The following SCN8A variants were observed in gnomAD, a reference collection of about 807,000 sequenced individuals.
SCN8A encodes the protein sodium channel protein type 8 subunit alpha.
A neutral mutation model predicts 184.1 loss-of-function variants in SCN8A; 30 were observed. The observed-to-expected ratio is 0.16, with a 90% CI of 0.12 to 0.22. The LOEUF (loss-of-function observed/expected upper bound fraction) is 0.22. Ranked by LOEUF, SCN8A falls within the 10% of genes least tolerant of loss-of-function variation. SCN8A has a pLI of 1.00. For missense variants in SCN8A, 1,057 were observed against 2,498.9 expected (o/e 0.42, Z 12.30); for synonymous variants, 852 against 907.0 (o/e 0.94, Z 1.09).
chr12:51,757,220 C>T (rs1356029555), intron 14 of SCN8A, among the ~76,000 whole-genome samples: 1 of 152,166 alleles, frequency 6.6e-6, no homozygotes, highest in Non-Finnish European at 1.5e-5. Context: ...ATGCAGGATG[C>T]AGGACTTTCG....
chr12:51,676,681 G>C (rs1941228031), intron 2 of SCN8A, among the ~76,000 whole-genome samples: 1 of 152,190 alleles, frequency 6.6e-6, no homozygotes. Context: ...GTTAGTTCTA[G>C]AAATCAAAAC....
chr12:51,782,011 A>G (rs1337570327), intron 21 of SCN8A, among the ~76,000 whole-genome samples: 1 of 152,172 alleles, frequency 6.6e-6, no homozygotes, highest in East Asian at 1.9e-4. Context: ...AGGAAGATGA[A>G]AACTTAATTG....
intron 1 of SCN8A, among the ~76,000 whole-genome samples, chr12:51,617,328 T>G (rs1234908295): frequency 6.6e-6 from 1 of 152,166 alleles, no homozygotes; most frequent in Admixed American, 6.5e-5. Context: ...TTGTTCAGCT[T>G]GGATAATTTG....
At chr12:51,772,223 A>G (rs1942935530) in intron 19 of SCN8A, among the ~76,000 whole-genome samples, 1 of 151,948 alleles carries the variant, frequency 6.6e-6, no homozygotes, top group Admixed American at 6.6e-5. Context: ...TGGAGAAACC[A>G]CGTCTCTAGT....
chr12:51,618,323 C>T (rs963710764), intron 1 of SCN8A, among the ~76,000 whole-genome samples: 10 of 151,968 alleles, frequency 6.6e-5, no homozygotes, highest in African/African-American at 2.2e-4. Flanking sequence ...CCTTCCCTTT[C>T]GTGTCTAGGG....
intron 26 of SCN8A, among the ~76,000 whole-genome samples, chr12:51,799,860 C>T (rs1938506786): frequency 1.3e-5 from 2 of 152,210 alleles, no homozygotes; most frequent in African/African-American, 4.8e-5. Flanking sequence ...TCTTGACAGG[C>T]CCCTCAGCAC....
chr12:51,715,657 CAAAAAAA>C (rs71092719), intron 11 of SCN8A, among the ~76,000 whole-genome samples: 46 of 71,832 alleles, frequency 6.4e-4, no homozygotes, highest in Non-Finnish European at 1.0e-3. Context: ...GTCTCTGTCT[CAAAAAAA>C]AAAAAAAAAA....
chr12:51,677,056 G>GT (rs201642006), intron 2 of SCN8A, among the ~76,000 whole-genome samples: 1 of 133,114 alleles, frequency 7.5e-6, no homozygotes, highest in Non-Finnish European at 1.6e-5. Context: ...TTATTGTTTT[G>GT]TTTTATTTTA....
chr12:51,731,610 G>A (rs1400646359), intron 12 of SCN8A, among the ~76,000 whole-genome samples: 2 of 152,084 alleles, frequency 1.3e-5, no homozygotes, highest in East Asian at 3.9e-4. Flanking sequence ...CGGATCGTAA[G>A]GTAGCTCTAT....
rs1258782415 is a variant in SCN8A at position 51,808,872 on chromosome 12, A to G, written c.*1443A>G. The G allele has an allele frequency of 1.3e-5, 2 of 152,200 alleles. No individual in the cohort carries two copies. Among genetic ancestry groups the G allele is most frequent in the African/African-American group, 4.8e-5 (2 of 41,440 alleles). The allele number at this position is 152,200 out of a possible 1,614,324, so 9.4% of individuals were successfully genotyped here. On this transcript the variant is annotated 3_prime_UTR_variant, in exon 27 of 27. Transcript: ENST00000627620. ...CCACTGAGCAGGGCTTCCCTTGCCC[A>G]CAGAGGTGGGTGAGGGTAGCAGCAT...
At chr12:51,780,377 TACCGC>T in intron 20 of SCN8A, 1 of 344,182 alleles carries the variant, frequency 2.9e-6, no homozygotes, top group Non-Finnish European at 5.4e-6. Flanking sequence ...GTGTATGTTC[TACCGC>T]CTTCTCGATT....
chr12:51,648,455 T>C (rs1484165881), intron 1 of SCN8A, among the ~76,000 whole-genome samples: 1 of 152,196 alleles, frequency 6.6e-6, no homozygotes, highest in Non-Finnish European at 1.5e-5. Context: ...GTGGATGTAT[T>C]AGTCCGTTTT....
At chr12:51,795,739 G>A (rs535868226) in intron 26 of SCN8A, among the ~76,000 whole-genome samples, 15 of 152,260 alleles carry the variant, frequency 9.9e-5, no homozygotes, top group Admixed American at 5.9e-4. Context: ...GAATTCTCTT[G>A]GAAATCCTAC....
intron 6 of SCN8A, 69 bp downstream of exon 6, chr12:51,689,165 C>T (rs1047218347): frequency 8.8e-7 from 1 of 1,138,828 alleles, no homozygotes; most frequent in Non-Finnish European, 1.3e-6. Flanking sequence ...TTTTGTCCAC[C>T]ATTCTAAAGC....
At chr12:51,714,215 C>T (rs947365341) in intron 11 of SCN8A, among the ~76,000 whole-genome samples, 10 of 152,168 alleles carry the variant, frequency 6.6e-5, no homozygotes, top group Non-Finnish European at 1.5e-4. Flanking sequence ...CAAAACTTAA[C>T]AGTGACAATT....
intron 1 of SCN8A, among the ~76,000 whole-genome samples, chr12:51,592,277 C>T (rs1206825313): frequency 6.6e-6 from 1 of 151,818 alleles, no homozygotes; most frequent in Non-Finnish European, 1.5e-5. Context: ...AGCTCCATCC[C>T]CTCCATTGCC....
chr12:51,638,846 G>A (rs1484817657), intron 1 of SCN8A, among the ~76,000 whole-genome samples: 2 of 152,058 alleles, frequency 1.3e-5, no homozygotes. Context: ...CATGGGGGAG[G>A]GGACTGCAGA....
In SCN8A at chr12:51,688,843, A is replaced by G. The variant is rs2138716234; in HGVS notation, c.615-162A>G. 6.2e-7 allele frequency: 1 copy of G among 1,613,240 alleles called. No individual in the cohort carries two copies. Among genetic ancestry groups the G allele is most frequent in the Non-Finnish European group, 8.5e-7 (1 of 1,179,308 alleles). On this transcript the variant is annotated intron_variant, in intron 5 of 26. Coordinates refer to ENST00000627620, the MANE Select transcript of SCN8A (RefSeq NM_001330260.2). ...GAGGGCTTTGAAAACTATTTCGGTA[A>G]TCCCAGGTAAGATGGTCCGGGGTTG...
In SCN8A at chr12:51,721,765, G is replaced by A; in HGVS notation, c.1855G>A (p.Gly619Ser). 6.2e-7 allele frequency: 1 copy of A among 1,609,920 alleles called. No individual in the cohort carries two copies. Among genetic ancestry groups the A allele is most frequent in the Non-Finnish European group, 8.5e-7 (1 of 1,178,778 alleles). Residue 619 changes from glycine to serine, a missense_variant, in exon 12 of 27, where the codon GGC becomes AGC. Physicochemically the swap from Gly to Ser is moderately conservative, Grantham distance 56. Around this residue, in one of 19 missense-constraint regions of SCN8A, gnomAD observed 322 missense variants for 390.1 expected, o/e 0.83. Coordinates refer to ENST00000627620, the MANE Select transcript of SCN8A (RefSeq NM_001330260.2). ...CCGGAGCAGCTACAGCGGCTACAGC[G>A]GCTACAGCCAGGGCAGCCGCTCCTC... ...ERRSSYSGYS[G>S]YSQGSRSSRI...
Sources: allele counts gnomAD v4.1 joint callset (sites outside exome capture counted in the v4.1 genomes callset), GRCh38; gene constraint gnomAD v4.1.1; regional missense constraint gnomAD v4.1.1; transcripts MANE v1.5; gene names NCBI Gene and HGNC (gene_info 2026-07-23, HGNC 2026-07-21).